Variants in NCALD observed in about 807,000 individuals in gnomAD.
NCALD encodes the protein neurocalcin-delta.
A neutral mutation model predicts 18.6 loss-of-function variants in NCALD; 10 were observed. The ratio of observed to expected loss-of-function variants is 0.54; its 90% CI spans 0.33 to 0.91. NCALD has a LOEUF of 0.91. Ranked by LOEUF, NCALD falls within the 40% of genes least tolerant of loss-of-function variation. NCALD has a pLI of 0.03. For synonymous variants in NCALD, 88 were observed against 87.4 expected (o/e 1.01, Z -0.04); for missense variants, 184 against 247.6 (o/e 0.74, Z 1.72).
chr8:102,108,211 A>C (rs981893138), intron 1 of NCALD, among the ~76,000 whole-genome samples: 69 of 152,220 alleles, frequency 4.5e-4, no homozygotes, highest in Non-Finnish European at 1.3e-4. Context: ...TGCAAAAGTA[A>C]ATAGTTACAC....
rs771489034 is a variant in NCALD, at chr8:101,719,296, C to T, written c.334G>A (p.Gly112Arg). The change falls in exon 2 of 4, where the codon GGA (glycine) becomes AGA (arginine). Residue 112 changes from glycine to arginine, a missense_variant. Transcript: ENST00000220931. ...KWAFSMYDLD[G>R]NGYISKAEML... is the part of the protein sequence containing the mutation. ...TCTGCCTTGCTGATATAGCCATTTC[C>T]GTCCAGGTCGTACATGCTGAAGGCC... 16 of 1,614,168 alleles carry T rather than the reference C, an allele frequency of 9.9e-6. No individual in the cohort carries two copies. Among genetic ancestry groups the T allele is most frequent in the South Asian group, 8.8e-5 (8 of 91,074 alleles).
chr8:101,891,124 C>A (rs1398497437), intron 3 of NCALD, among the ~76,000 whole-genome samples: 1 of 152,068 alleles, frequency 6.6e-6, no homozygotes, highest in Non-Finnish European at 1.5e-5. Context: ...TGTGTTGAGG[C>A]AAACCCATAT....
rs188374649 is a variant in NCALD, at chr8:101,908,557, C to A, written c.-107+7252G>T. 1.4e-3 allele frequency among the ~76,000 whole-genome samples: 219 copies of A among 152,264 alleles called. 1 individual carries two copies. Among genetic ancestry groups the A allele is most frequent in the Non-Finnish European group, 2.9e-3 (194 of 68,024 alleles). On this transcript the variant is annotated intron_variant, in intron 3 of 6. Coordinates refer to the NCALD transcript ENST00000311028. ...TCCTTGTACTAAGTCTTAGTAAATG[C>A]ATCATATGATCACGGGTGTTATTAG...
intron 1 of NCALD, among the ~76,000 whole-genome samples, chr8:102,107,809 G>C (rs1825521435): frequency 6.6e-6 from 1 of 152,190 alleles, no homozygotes; most frequent in Non-Finnish European, 1.5e-5. Flanking sequence ...GCCACAACTT[G>C]TGTCCTTCTT....
At position 101,807,364 on chromosome 8, in the gene NCALD, TCAA is replaced by T. The variant is rs1813143958; in HGVS notation, c.-20+79774_-20+79776del. Among the ~76,000 whole-genome samples the T allele has an allele frequency of 2.0e-5, 3 of 152,214 alleles. No homozygotes were observed. The South Asian group carries it at 6.2e-4, about 32-fold the overall frequency. ...ATTGTAAAATATTGTTGTAAAATAT[TCAA>T]CAACAACAGCACAAAGGAAAAGGGG... On this transcript the variant is annotated intron_variant, in intron 4 of 6. Coordinates refer to the NCALD transcript ENST00000311028.
intron 1 of NCALD, among the ~76,000 whole-genome samples, chr8:102,031,256 C>G (rs1822660017): frequency 6.6e-6 from 1 of 152,026 alleles, no homozygotes; most frequent in East Asian, 1.9e-4. Flanking sequence ...CTGGGTTCAT[C>G]CACAGATAAA....
At chr8:101,810,773 T>C (rs1813276967) in intron 4 of NCALD, among the ~76,000 whole-genome samples, 1 of 152,094 alleles carries the variant, frequency 6.6e-6, no homozygotes, top group African/African-American at 2.4e-5. Flanking sequence ...TGCCTATTTC[T>C]TTTTTTAATG....
intron 3 of NCALD, among the ~76,000 whole-genome samples, chr8:101,908,949 G>A (rs1817699265): frequency 6.6e-6 from 1 of 152,060 alleles, no homozygotes; most frequent in Non-Finnish European, 1.5e-5. Flanking sequence ...CTTTGAAATG[G>A]GCCAGTTTTC....
At chr8:101,975,491 G>T (rs896077481) in intron 2 of NCALD, among the ~76,000 whole-genome samples, 9 of 152,204 alleles carry the variant, frequency 5.9e-5, no homozygotes, top group Non-Finnish European at 1.3e-4. Context: ...CTTAAGAAAA[G>T]CCTACAGAAA....
chr8:101,951,235 T>C (rs1276684806), intron 2 of NCALD, among the ~76,000 whole-genome samples: 2 of 152,228 alleles, frequency 1.3e-5, no homozygotes, highest in African/African-American at 2.4e-5. Context: ...AGAAAAATGG[T>C]ACCCCATGTT....
chr8:102,067,141 T>C (rs570947767), intron 1 of NCALD, among the ~76,000 whole-genome samples: 11 of 152,318 alleles, frequency 7.2e-5, no homozygotes, highest in African/African-American at 1.4e-4. Context: ...CCCCAAACCA[T>C]TGCCCATTCC....
chr8:101,844,807 C>G (rs1814798265), intron 4 of NCALD, among the ~76,000 whole-genome samples: 1 of 152,176 alleles, frequency 6.6e-6, no homozygotes, highest in South Asian at 2.1e-4. Flanking sequence ...GGTGCTTATT[C>G]TCTTTGCACC....
intron 1 of NCALD, among the ~76,000 whole-genome samples, chr8:101,734,984 TAGA>T (rs1207326663): frequency 1.3e-5 from 2 of 151,964 alleles, no homozygotes; most frequent in Non-Finnish European, 2.9e-5. Flanking sequence ...TGTTGCAGAT[TAGA>T]AATTAGGAGG....
chr8:101,742,500 CTG>C (rs1810248323), intron 1 of NCALD, among the ~76,000 whole-genome samples: 1 of 152,090 alleles, frequency 6.6e-6, no homozygotes, highest in Admixed American at 6.6e-5. Flanking sequence ...TAGAATTTGA[CTG>C]TATTCATAGA....
At chr8:101,900,220 C>T (rs1286097025) in intron 3 of NCALD, among the ~76,000 whole-genome samples, 1 of 151,950 alleles carries the variant, frequency 6.6e-6, no homozygotes, top group South Asian at 2.1e-4. Context: ...CTTTGTAATT[C>T]CAGATATTGG....
chr8:101,925,798 G>C (rs1249482980), intron 2 of NCALD, among the ~76,000 whole-genome samples: 1 of 152,154 alleles, frequency 6.6e-6, no homozygotes, highest in East Asian at 1.9e-4. Context: ...GAATGCATGA[G>C]TGAATCAACA....
intron 2 of NCALD, among the ~76,000 whole-genome samples, chr8:101,963,537 G>T (rs1302560725): frequency 6.6e-6 from 1 of 152,172 alleles, no homozygotes; most frequent in African/African-American, 2.4e-5. Flanking sequence ...GACAGAACTA[G>T]CACTGCAAAT....
intron 1 of NCALD, among the ~76,000 whole-genome samples, chr8:102,107,783 T>C (rs1825520727): frequency 6.6e-6 from 1 of 152,212 alleles, no homozygotes; most frequent in Admixed American, 6.5e-5. Flanking sequence ...TCACATAGTT[T>C]TGTCTTGAGG....
chr8:102,028,653 T>A (rs377539987), intron 1 of NCALD, among the ~76,000 whole-genome samples: 2 of 152,224 alleles, frequency 1.3e-5, no homozygotes, highest in African/African-American at 4.8e-5. Flanking sequence ...AAGTGGTCCC[T>A]GCCCCAACAC....
Sources: allele counts gnomAD v4.1 joint callset (sites outside exome capture counted in the v4.1 genomes callset), GRCh38; gene constraint gnomAD v4.1.1; transcripts MANE v1.5; gene names NCBI Gene and HGNC (gene_info 2026-07-23, HGNC 2026-07-21).